Variants in SLMAP observed in about 807,000 individuals in gnomAD.
SLMAP encodes the protein sarcolemmal membrane-associated protein.
A neutral mutation model predicts 128.8 loss-of-function variants in SLMAP; 44 were observed. That is an observed-to-expected ratio of 0.34 (90% CI 0.27 to 0.44). The LOEUF is 0.44. SLMAP is among the 20% of genes least tolerant of loss of function. The pLI is 1.00. For missense variants in SLMAP, 787 were observed against 985.3 expected (o/e 0.80, Z 2.69); for synonymous variants, 327 against 348.8 (o/e 0.94, Z 0.70).
intron 6 of SLMAP, among the ~76,000 whole-genome samples, chr3:57,850,595 C>A (rs1465070077): frequency 1.3e-5 from 2 of 152,062 alleles, no homozygotes; most frequent in East Asian, 3.9e-4. Flanking sequence ...CAAAACAATT[C>A]TTTATCCATA....
chr3:57,906,594 G>A (rs948360107), intron 17 of SLMAP, among the ~76,000 whole-genome samples: 9 of 147,396 alleles, frequency 6.1e-5, no homozygotes, highest in Admixed American at 1.4e-4. Context: ...TAGGATTACA[G>A]GCATGAACCA....
At chr3:57,870,351 A>AT (rs937280254) in intron 13 of SLMAP, among the ~76,000 whole-genome samples, 2 of 151,528 alleles carry the variant, frequency 1.3e-5, no homozygotes, top group Non-Finnish European at 2.9e-5. Context: ...TATTTATTAG[A>AT]TTTTTTTTAA....
intron 15 of SLMAP, chr3:57,890,376 G>T: frequency 3.3e-6 from 1 of 304,378 alleles, no homozygotes; most frequent in Non-Finnish European, 6.0e-6. Flanking sequence ...AAGATTTGTT[G>T]CAATCTCTGT....
In SLMAP at chr3:57,885,771, C is replaced by CTTTTTTTTTTTTT. The variant is rs35541333; in HGVS notation, c.1301-4252_1301-4240dup. Among the ~76,000 whole-genome samples the CTTTTTTTTTTTTT allele has an allele frequency of 7.1e-4, 38 of 53,578 alleles. 6 individuals are homozygous for CTTTTTTTTTTTTT. Among genetic ancestry groups the CTTTTTTTTTTTTT allele is most frequent in the Non-Finnish European group, 1.0e-3 (31 of 30,196 alleles). 35.1% of individuals were successfully genotyped at this position (53,578 alleles called of 152,430 possible). A position where few individuals can be genotyped will look rare whatever the true frequency, so the allele number is the denominator to read the frequency against. On this transcript the variant is annotated intron_variant, in intron 14 of 24. Transcript: ENST00000671191. The stretch of plus-strand genomic sequence containing the variant: ...TTGTTTTGCTTTTCGGTTTTTGGTT[C>CTTTTTTTTTTTTT]TTTTTTTTTTTTTTTTTTTTTTTTT...
chr3:57,897,163 G>A, intron 17 of SLMAP: 1 of 1,218,788 alleles, frequency 8.2e-7, no homozygotes, highest in Non-Finnish European at 1.1e-6. Flanking sequence ...AGTGTTAAGT[G>A]GTAGAATATG....
chr3:57,878,136 C>G (rs1318291614), intron 14 of SLMAP, among the ~76,000 whole-genome samples: 1 of 152,088 alleles, frequency 6.6e-6, no homozygotes, highest in Non-Finnish European at 1.5e-5. Context: ...AGCCACTGCA[C>G]CCGGCCTCCT....
intron 2 of SLMAP, among the ~76,000 whole-genome samples, chr3:57,780,393 C>T (rs1362129875): frequency 1.3e-5 from 2 of 152,114 alleles, no homozygotes; most frequent in African/African-American, 2.4e-5. Flanking sequence ...GATCTGCCTG[C>T]CTTGGCCTCC....
chr3:57,815,635 A>G (rs188586960), intron 2 of SLMAP, among the ~76,000 whole-genome samples: 35 of 152,036 alleles, frequency 2.3e-4, no homozygotes. Flanking sequence ...ATCTATTTAT[A>G]TCTTTTGGTT....
intron 14 of SLMAP, among the ~76,000 whole-genome samples, chr3:57,881,607 G>A (rs1313209862): frequency 6.6e-6 from 1 of 152,026 alleles, no homozygotes; most frequent in Non-Finnish European, 1.5e-5. Flanking sequence ...ACAGGCACGT[G>A]CCACTATGCC....
intron 13 of SLMAP, 117 bp downstream of exon 13, chr3:57,865,409 A>G (rs1177920707): frequency 6.7e-6 from 3 of 444,560 alleles, no homozygotes; most frequent in Non-Finnish European, 1.2e-5. Flanking sequence ...CTCACAGATC[A>G]TTGAACCCCA....
intron 13 of SLMAP, among the ~76,000 whole-genome samples, chr3:57,867,613 A>G (rs2095342184): frequency 6.6e-6 from 1 of 152,190 alleles, no homozygotes; most frequent in Admixed American, 6.5e-5. Flanking sequence ...ACGAAAACTT[A>G]GTTAAGGGTG....
intron 5 of SLMAP, among the ~76,000 whole-genome samples, chr3:57,847,747 A>T (rs1467960309): frequency 6.6e-6 from 1 of 152,238 alleles, no homozygotes; most frequent in African/African-American, 2.4e-5. Flanking sequence ...TTATTCAATT[A>T]TAGGTTTCAT....
intron 22 of SLMAP, among the ~76,000 whole-genome samples, chr3:57,918,938 G>A (rs1224507805): frequency 6.6e-6 from 1 of 152,192 alleles, no homozygotes; most frequent in Non-Finnish European, 1.5e-5. Context: ...TCAGGACCAA[G>A]CTCATTTGTC....
chr3:57,830,349 G>A (rs370607146), intron 2 of SLMAP, among the ~76,000 whole-genome samples: 1 of 152,222 alleles, frequency 6.6e-6, no homozygotes, highest in East Asian at 1.9e-4. Flanking sequence ...TGTTAAATGA[G>A]GGCCTGATGG....
chr3:57,834,569 A>C (rs2093528210), intron 3 of SLMAP, among the ~76,000 whole-genome samples: 1 of 152,134 alleles, frequency 6.6e-6, no homozygotes, highest in African/African-American at 2.4e-5. Flanking sequence ...TTGTTTTTGA[A>C]AGAGACTAAA....
chr3:57,891,314 AT>A (rs1330338256), intron 15 of SLMAP: 1 of 151,704 alleles, frequency 6.6e-6, no homozygotes. Flanking sequence ...TTTTATCATT[AT>A]TGGAAAAGTT....
chr3:57,845,913 C>T (rs1577479603), intron 4 of SLMAP, among the ~76,000 whole-genome samples: 1 of 152,060 alleles, frequency 6.6e-6, no homozygotes. Flanking sequence ...ATCATCTCGG[C>T]TCACTGCAAC....
At chr3:57,847,785 T>C (rs1478197440) in intron 5 of SLMAP, among the ~76,000 whole-genome samples, 3 of 152,202 alleles carry the variant, frequency 2.0e-5, no homozygotes. Flanking sequence ...AAATACATCT[T>C]TTGACATTAA....
chr3:57,857,725 A>AAT lies in SLMAP; in HGVS notation c.520-6_520-5dup. 1 of 1,588,626 alleles carries AAT rather than the reference A, an allele frequency of 6.3e-7. No individual in the cohort carries two copies. On this transcript the variant is annotated splice_region_variant and splice_polypyrimidine_tract_variant and intron_variant, in intron 6 of 24. Transcript: ENST00000671191. ...TATTAGAATCTGTTTTGTGATTTGT[A>AAT]ATACTAGGAGGCCTTACATCGGGAA...
Sources: gnomAD v4.1 joint callset for allele counts (sites outside exome capture counted in the v4.1 genomes callset) on GRCh38, gnomAD v4.1.1 for gene constraint, MANE v1.5 for transcripts, NCBI Gene and HGNC (gene_info 2026-07-23, HGNC 2026-07-21) for gene names.